The following TENM2 variants were observed in gnomAD, a reference collection of about 807,000 sequenced individuals.
TENM2 encodes teneurin-2.
In TENM2, 52 loss-of-function variants were observed where a neutral mutation model predicts 245.2. That is an observed-to-expected ratio of 0.21 (90% CI 0.17 to 0.27). The LOEUF (loss-of-function observed/expected upper bound fraction) is 0.27, where lower values mean the gene tolerates loss of function less well. TENM2 is among the 10% of genes least tolerant of loss of function. TENM2 has a pLI of 1.00. For missense variants in TENM2, 3,046 were observed against 3,666.8 expected, an observed-to-expected ratio of 0.83 and a Z score of 4.37; for synonymous variants, 1,363 against 1,438.9, an observed-to-expected ratio of 0.95 and a Z score of 1.19.
intron 13 of TENM2, among the ~76,000 whole-genome samples, chr5:168,170,932 A>G (rs1758761000): frequency 6.6e-6 from 1 of 152,162 alleles, no homozygotes; most frequent in Non-Finnish European, 1.5e-5. Context: ...CCCTCTGTAT[A>G]TCCCCTGCCT....
In TENM2 at chr5:167,754,033, A is replaced by G. The variant is rs181122803; in HGVS notation, c.503-121953A>G. 4.9e-3 allele frequency among the ~76,000 whole-genome samples: 739 copies of G among 152,262 alleles called. 3 individuals carry two copies. Among genetic ancestry groups the G allele is most frequent in the Middle Eastern group, 0.027 (8 of 294 alleles). ...TGGTAGAATTTACTTTGTCTGCCAT[A>G]TTGATAATATCCACTTCAGCAGCTA... On this transcript the variant is annotated intron_variant, in intron 2 of 28. Transcript: ENST00000518659.
At chr5:168,204,346 C>T (rs1257546118) in intron 18 of TENM2, 26 bp from the exon 21 acceptor site, 4 of 1,603,954 alleles carry the variant, frequency 2.5e-6, no homozygotes, top group East Asian at 4.5e-5. Context: ...GCTTCAGTAA[C>T]CCCTCCCATT....
At chr5:167,619,173 C>T (rs563712570) in intron 2 of TENM2, among the ~76,000 whole-genome samples, 4 of 152,072 alleles carry the variant, frequency 2.6e-5, no homozygotes, top group South Asian at 2.1e-4. Context: ...CTATTGTGAA[C>T]TGGCTTGCAA....
chr5:168,221,262 T>C (rs1277105455), intron 23 of TENM2, among the ~76,000 whole-genome samples: 1 of 152,112 alleles, frequency 6.6e-6, no homozygotes, highest in East Asian at 1.9e-4. Flanking sequence ...TTTTTCTGCA[T>C]AGAACATGAG....
chr5:168,092,015 G>A (rs1047412573), intron 8 of TENM2, among the ~76,000 whole-genome samples: 1 of 152,132 alleles, frequency 6.6e-6, no homozygotes, highest in African/African-American at 2.4e-5. Context: ...AGTGACATCC[G>A]ATTATTTTTT....
At chr5:168,080,700 T>C (rs564751340) in intron 7 of TENM2, among the ~76,000 whole-genome samples, 1 of 152,326 alleles carries the variant, frequency 6.6e-6, no homozygotes, top group Non-Finnish European at 1.5e-5. Flanking sequence ...CCAGTAGTCA[T>C]TCAGGAGCAG....
intron 2 of TENM2, among the ~76,000 whole-genome samples, chr5:167,805,520 T>C (rs1484901616): frequency 6.6e-6 from 1 of 152,134 alleles, no homozygotes; most frequent in Non-Finnish European, 1.5e-5. Flanking sequence ...AGAAATTCAG[T>C]AGATACTTGT....
At chr5:167,960,666 T>C (rs765766053) in intron 4 of TENM2, among the ~76,000 whole-genome samples, 7 of 151,872 alleles carry the variant, frequency 4.6e-5, no homozygotes, top group Non-Finnish European at 7.4e-5. Flanking sequence ...GCTAAACCAC[T>C]TGGCTCCCTT....
chr5:167,259,647 A>G, the TENM2 span, among the ~76,000 whole-genome samples: 1 of 152,152 alleles, frequency 6.6e-6, no homozygotes, highest in Non-Finnish European at 1.5e-5. Context: ...TCACACATCT[A>G]ATTTTGGTAA....
chr5:167,228,688 G>C, the TENM2 span, among the ~76,000 whole-genome samples: 2 of 151,088 alleles, frequency 1.3e-5, no homozygotes, highest in South Asian at 4.2e-4. Context: ...GACGTCTGGT[G>C]TAACAGTCAC....
At chr5:167,158,057 T>G in the TENM2 span, among the ~76,000 whole-genome samples, 1 of 152,206 alleles carries the variant, frequency 6.6e-6, no homozygotes, top group East Asian at 1.9e-4. Flanking sequence ...TTTGAAAATC[T>G]GTATCATGGC....
intron 25 of TENM2, among the ~76,000 whole-genome samples, chr5:168,230,212 C>G (rs1464517729): frequency 1.3e-5 from 2 of 152,200 alleles, no homozygotes; most frequent in African/African-American, 4.8e-5. Flanking sequence ...TTTTATCTAT[C>G]AACACCTCAA....
chr5:168,131,487 A>G (rs1332268908), intron 12 of TENM2, among the ~76,000 whole-genome samples: 9 of 152,172 alleles, frequency 5.9e-5, no homozygotes, highest in Non-Finnish European at 1.5e-5. Flanking sequence ...GGGGAAAGAA[A>G]TCGGTGCTTG....
the TENM2 span, among the ~76,000 whole-genome samples, chr5:167,132,657 A>G: frequency 6.6e-6 from 1 of 152,226 alleles, no homozygotes; most frequent in African/African-American, 2.4e-5. Flanking sequence ...ATGGTCTAAC[A>G]AGGTGCTCAA....
chr5:167,729,492 C>A (rs1044439170), intron 2 of TENM2, among the ~76,000 whole-genome samples: 3 of 152,112 alleles, frequency 2.0e-5, no homozygotes, highest in Non-Finnish European at 4.4e-5. Flanking sequence ...TGCAAAATGA[C>A]CATTTTTATT....
intron 2 of TENM2, among the ~76,000 whole-genome samples, chr5:167,720,272 T>A (rs1759540619): frequency 6.6e-6 from 1 of 152,002 alleles, no homozygotes; most frequent in Non-Finnish European, 1.5e-5. Flanking sequence ...ATTAAATTGT[T>A]AAAAATAAAC....
chr5:167,178,202 A>G, the TENM2 span, among the ~76,000 whole-genome samples: 1 of 152,200 alleles, frequency 6.6e-6, no homozygotes, highest in Non-Finnish European at 1.5e-5. Flanking sequence ...TAAAATCACA[A>G]GTGACAAGTT....
intron 25 of TENM2, chr5:168,241,038 G>A (rs968788293): frequency 2.6e-5 from 4 of 152,078 alleles, no homozygotes; most frequent in Non-Finnish European, 5.9e-5. Context: ...GAAAATGATG[G>A]CTCCAATCCC....
At chr5:168,090,235 C>CAT (rs1792815332) in intron 7 of TENM2, among the ~76,000 whole-genome samples, 1 of 149,806 alleles carries the variant, frequency 6.7e-6, no homozygotes. Context: ...CACACACACA[C>CAT]ACACACACAC....
Sources: gnomAD v4.1 joint callset for allele counts (sites outside exome capture counted in the v4.1 genomes callset) on GRCh38, gnomAD v4.1.1 for gene constraint, MANE v1.5 for transcripts, NCBI Gene and HGNC (gene_info 2026-07-23, HGNC 2026-07-21) for gene names.